FAAH2: variants seen among roughly 807,000 people sequenced by gnomAD.
FAAH2 encodes the protein fatty acid amide hydrolase 2, also known as fatty-acid amide hydrolase 2.
FAAH2 carries 60 observed loss-of-function variants against 36.9 expected under a neutral mutation model. The ratio of observed to expected loss-of-function variants is 1.63; its 90% CI spans 1.32 to 2.02. FAAH2 has a LOEUF of 2.02. Among genes scored for constraint, FAAH2 ranks in the 30% most tolerant of loss-of-function variants. The pLI, the probability that FAAH2 is intolerant of heterozygous loss-of-function variation, is 0.00. For synonymous variants in FAAH2, 214 were observed against 143.8 expected, an observed-to-expected ratio of 1.49 and a Z score of -3.49; for missense variants, 689 against 397.5, an observed-to-expected ratio of 1.73 and a Z score of -6.23.
intron 5 of FAAH2, among the ~76,000 whole-genome samples, chrX:57,353,250 C>T (rs1275084763): frequency 1.8e-5 from 2 of 109,288 alleles, no homozygotes; most frequent in African/African-American, 3.3e-5. Context: ...AAAACAGATG[C>T]ATAGGTCAAT....
chrX:57,287,964 C>G (rs2051856196), intron 1 of FAAH2, among the ~76,000 whole-genome samples: 1 of 111,182 alleles, frequency 9.0e-6, no homozygotes, highest in Non-Finnish European at 1.9e-5. Context: ...GTCTTCTTGC[C>G]GTACCCCCTC....
the FAAH2 span, among the ~76,000 whole-genome samples, chrX:57,146,025 T>G: frequency 3.6e-5 from 4 of 110,338 alleles, no homozygotes; most frequent in African/African-American, 6.6e-5. Context: ...CTTTTTTTGC[T>G]TAGTCCTCCT....
the FAAH2 span, among the ~76,000 whole-genome samples, chrX:57,157,697 T>C: frequency 5.4e-5 from 6 of 112,114 alleles, no homozygotes; most frequent in African/African-American, 1.9e-4. Flanking sequence ...ACCTGACGTT[T>C]TGGTTCTTAC....
intron 4 of FAAH2, among the ~76,000 whole-genome samples, chrX:57,333,845 G>T (rs1602310298): frequency 2.7e-5 from 3 of 111,198 alleles, no homozygotes; most frequent in Non-Finnish European, 5.7e-5. Context: ...TTAAGAAACA[G>T]CAATAAATGT....
At chrX:57,261,480 G>A in the FAAH2 span, among the ~76,000 whole-genome samples, 1 of 101,699 alleles carries the variant, frequency 9.8e-6, no homozygotes, top group African/African-American at 3.6e-5. Flanking sequence ...TTGAACCCAG[G>A]AGGCGGAGGT....
intron 7 of FAAH2, among the ~76,000 whole-genome samples, chrX:57,389,767 C>G (rs1327893435): frequency 9.0e-6 from 1 of 110,712 alleles, no homozygotes; most frequent in Non-Finnish European, 1.9e-5. Context: ...TATGGTAGTT[C>G]TATTTTTAAT....
the FAAH2 span, chrX:57,228,973 A>G: frequency 9.0e-6 from 1 of 111,484 alleles, no homozygotes; most frequent in East Asian, 2.8e-4. Flanking sequence ...TCAGATCCAT[A>G]TTTCCCCCAG....
the FAAH2 span, among the ~76,000 whole-genome samples, chrX:57,266,814 A>T: frequency 8.9e-6 from 1 of 112,414 alleles, no homozygotes; most frequent in South Asian, 3.7e-4. Flanking sequence ...AAGCCAGATG[A>T]TGTGGAGCCC....
intron 1 of FAAH2, among the ~76,000 whole-genome samples, chrX:57,289,306 G>C (rs924021194): frequency 4.5e-5 from 5 of 110,512 alleles, no homozygotes; most frequent in Admixed American, 9.7e-5. Context: ...AGTGTCTACT[G>C]TCTTTTGCTT....
intron 7 of FAAH2, among the ~76,000 whole-genome samples, chrX:57,411,109 C>A (rs191653325): frequency 8.9e-6 from 1 of 111,883 alleles, no homozygotes; most frequent in East Asian, 2.8e-4. Context: ...TGAGCCCAGC[C>A]AGATATTCTG....
chrX:57,354,476 C>G (rs1014070403), intron 5 of FAAH2, among the ~76,000 whole-genome samples: 18 of 110,027 alleles, frequency 1.6e-4, no homozygotes, highest in Non-Finnish European at 3.4e-4. Context: ...TTAATGGGTA[C>G]AATGCACATT....
intron 6 of FAAH2, among the ~76,000 whole-genome samples, chrX:57,379,369 C>A (rs989164246): frequency 1.8e-5 from 2 of 111,240 alleles, no homozygotes; most frequent in African/African-American, 6.5e-5. Context: ...AGCTTTCATT[C>A]TTTCTCCTCT....
chrX:57,446,682 T>A (rs1458073450), intron 8 of FAAH2, among the ~76,000 whole-genome samples: 1 of 111,935 alleles, frequency 8.9e-6, no homozygotes, highest in African/African-American at 3.2e-5. Context: ...ACGTATGTGA[T>A]GTCTTGTTAC....
intron 10 of FAAH2, among the ~76,000 whole-genome samples, chrX:57,478,150 GT>G (rs917132354): frequency 8.9e-6 from 1 of 111,913 alleles, no homozygotes. Context: ...TCCAGCACCT[GT>G]TGTTTCCTGA....
At chrX:57,451,763 G>A (rs1483934316) in intron 10 of FAAH2, among the ~76,000 whole-genome samples, 1 of 111,565 alleles carries the variant, frequency 9.0e-6, no homozygotes, top group Non-Finnish European at 1.9e-5. Flanking sequence ...GCATGTCATG[G>A]AGAACATTCA....
intron 3 of FAAH2, among the ~76,000 whole-genome samples, chrX:57,325,571 A>G (rs1402749901): frequency 9.3e-6 from 1 of 107,597 alleles, no homozygotes; most frequent in Non-Finnish European, 1.9e-5. Context: ...GTCTTGGGAC[A>G]GTGTAGGTGT....
chrX:57,424,525 C>T (rs1445194192), intron 7 of FAAH2, among the ~76,000 whole-genome samples: 1 of 111,630 alleles, frequency 9.0e-6, no homozygotes, highest in Non-Finnish European at 1.9e-5. Flanking sequence ...TTCCCAAGAC[C>T]TCTGCCACCC....
At chrX:57,287,466 G>A (rs2051842183) in intron 1 of FAAH2, among the ~76,000 whole-genome samples, 1 of 111,443 alleles carries the variant, frequency 9.0e-6, no homozygotes, top group African/African-American at 3.3e-5. Context: ...AGTAGTACTT[G>A]GTCTAGGATA....
At chrX:57,353,312 T>C (rs1437456579) in intron 5 of FAAH2, among the ~76,000 whole-genome samples, 2 of 109,224 alleles carry the variant, frequency 1.8e-5, no homozygotes, top group Admixed American at 2.0e-4. Context: ...AGCCAAGTGA[T>C]CTTTGACAAA....
Sources: allele counts gnomAD v4.1 joint callset (sites outside exome capture counted in the v4.1 genomes callset), GRCh38; gene constraint gnomAD v4.1.1; transcripts MANE v1.5; gene names NCBI Gene and HGNC (gene_info 2026-07-23, HGNC 2026-07-21).